The following PRH1 variants were observed in gnomAD, a reference collection of about 807,000 sequenced individuals.
The protein encoded by PRH1 is salivary acidic proline-rich phosphoprotein 1/2.
Under a neutral mutation model 7.9 loss-of-function variants are expected in PRH1, and 7 were observed. The ratio of observed to expected loss-of-function variants is 0.89; its 90% CI spans 0.50 to 1.67. The LOEUF (loss-of-function observed/expected upper bound fraction) is 1.67. Among genes scored for constraint, PRH1 ranks in the 40% most tolerant of loss-of-function variants. The probability of loss-of-function intolerance (pLI) is 0.00; values close to 1 mark genes in which losing one functional copy is unlikely to be tolerated. For missense variants in PRH1, 109 were observed against 223.6 expected (o/e 0.49, Z 3.27); for synonymous variants, 45 against 80.8 (o/e 0.56, Z 2.38).
chr12:11,110,013 T>C (rs1016921638), intron 1 of PRH1, among the ~76,000 whole-genome samples: 12 of 152,140 alleles, frequency 7.9e-5, no homozygotes, highest in Middle Eastern at 3.4e-3. Flanking sequence ...ATGAGAACTT[T>C]GTGAAGCATA....
In PRH1 at chr12:11,088,789, A is replaced by T. The variant is rs1361407531; in HGVS notation, n.124-41601T>A. Among the ~76,000 whole-genome samples, 25 of 116,142 alleles carry T rather than the reference A, an allele frequency of 2.2e-4. 9 individuals are homozygous for T. The highest frequency in any genetic ancestry group is 2.0e-4 in the Non-Finnish European group (10 of 48,910). The allele number at this position is 116,142 out of a possible 152,430, so 76.2% of individuals were successfully genotyped here. ...CTCTGGCCACTGTGCCAGATGATCC[A>T]GCAGGATTCAAAGATGCTAGAAACA... On this transcript the variant is annotated intron_variant and non_coding_transcript_variant, in intron 1 of 4. Coordinates refer to the PRH1 transcript ENST00000541977.
intron 1 of PRH1, among the ~76,000 whole-genome samples, chr12:11,031,868 A>G (rs1459465676): frequency 6.6e-6 from 1 of 152,170 alleles, no homozygotes; most frequent in Non-Finnish European, 1.5e-5. Flanking sequence ...TCATCTCTCA[A>G]TGTAATATAA....
At chr12:11,031,257 T>C in intron 1 of PRH1, 1 of 1,614,080 alleles carries the variant, frequency 6.2e-7, no homozygotes. Context: ...ACCAATGCTA[T>C]GAAGCCATTA....
chr12:11,049,409 A>T (rs964965654), upstream of PRH1, among the ~76,000 whole-genome samples: 2 of 152,296 alleles, frequency 1.3e-5, no homozygotes, highest in Non-Finnish European at 2.9e-5. Context: ...TCAACAGGAA[A>T]GCACCATCAT....
In PRH1 at chr12:10,977,112, A is replaced by C. The variant is rs150063931; in HGVS notation, c.-125-3391T>G. Among the ~76,000 whole-genome samples, 42 of 152,304 alleles carry C rather than the reference A, an allele frequency of 2.8e-4. No homozygotes were observed. In the East Asian group the frequency reaches 4.2e-3, roughly 15 times the overall value. On this transcript the variant is annotated intron_variant, in intron 1 of 3. Coordinates refer to the PRH1 transcript ENST00000539853. ...CCTAAACTTTTCAGAGACACAACAA[A>C]AAATAGAAAACTTCAGACCAATATC...
chr12:11,132,368 T>G (rs1405014998), intron 1 of PRH1, among the ~76,000 whole-genome samples: 1 of 152,118 alleles, frequency 6.6e-6, no homozygotes, highest in African/African-American at 2.4e-5. Flanking sequence ...AGACTGGAGT[T>G]CTCTTATCTG....
At chr12:10,940,041 T>A (rs1343090698) in intron 2 of PRH1, among the ~76,000 whole-genome samples, 1 of 151,990 alleles carries the variant, frequency 6.6e-6, no homozygotes, top group African/African-American at 2.4e-5. Context: ...AATCAGATGG[T>A]TTTTTAAAGT....
intron 1 of PRH1, chr12:11,091,833 A>C: frequency 7.4e-7 from 1 of 1,343,386 alleles, no homozygotes; most frequent in Non-Finnish European, 1.0e-6. Context: ...GGCCCCAACA[A>C]CATCACCAGA....
intron 2 of PRH1, among the ~76,000 whole-genome samples, chr12:10,948,377 T>C (rs1394703023): frequency 2.0e-5 from 3 of 152,230 alleles, no homozygotes; most frequent in Non-Finnish European, 1.5e-5. Flanking sequence ...AGAAAACCAG[T>C]CTTCAAGTTC....
At chr12:11,102,678 C>T (rs1945291528) in intron 1 of PRH1, among the ~76,000 whole-genome samples, 1 of 152,128 alleles carries the variant, frequency 6.6e-6, no homozygotes, top group African/African-American at 2.4e-5. Flanking sequence ...CAACAAAAGC[C>T]AAAATTGACA....
chr12:11,129,488 A>G (rs1040556477), intron 1 of PRH1, among the ~76,000 whole-genome samples: 3 of 152,410 alleles, frequency 2.0e-5, no homozygotes, highest in East Asian at 1.9e-4. Context: ...GGTCACTGTC[A>G]TGACAAAACA....
intron 2 of PRH1, among the ~76,000 whole-genome samples, chr12:10,903,004 T>G (rs1393738748): frequency 6.6e-6 from 1 of 152,072 alleles, no homozygotes; most frequent in Non-Finnish European, 1.5e-5. Context: ...AAACCTCACA[T>G]AGCAATATTA....
In PRH1 at chr12:11,086,871, G is replaced by T. The variant is rs1459640550; in HGVS notation, n.124-39683C>A. ...GGGGGTTGTAGTTAGTTGAGATCATGCCACTCCACTCCAGTGGGGAGACCG... is the reference window on the plus strand; with the variant it reads ...GGGGGTTGTAGTTAGTTGAGATCATTCCACTCCACTCCAGTGGGGAGACCG... On this transcript the variant is annotated intron_variant and non_coding_transcript_variant, in intron 1 of 4. Coordinates refer to the PRH1 transcript ENST00000541977. 3.6e-5 allele frequency among the ~76,000 whole-genome samples: 4 copies of T among 110,556 alleles called. 2 individuals carry two copies. The highest frequency in any genetic ancestry group is 8.5e-5 in the Non-Finnish European group (4 of 47,194). The allele number at this position is 110,556 out of a possible 152,430, so 72.5% of individuals were successfully genotyped here. A position where few individuals can be genotyped will look rare whatever the true frequency, so the allele number is the denominator to read the frequency against.
intron 1 of PRH1, among the ~76,000 whole-genome samples, chr12:11,011,234 A>T (rs532594787): frequency 6.6e-6 from 1 of 152,142 alleles, no homozygotes; most frequent in African/African-American, 2.4e-5. Flanking sequence ...TAAGGTCCTG[A>T]CCTTAAATTC....
chr12:11,077,684 G>T, intron 1 of PRH1: 2 of 1,229,786 alleles, frequency 1.6e-6, no homozygotes, highest in Non-Finnish European at 2.4e-6. Flanking sequence ...AGAATGAAGG[G>T]TATGAGGTTT....
chr12:11,010,314 T>C (rs1481623613), intron 1 of PRH1, among the ~76,000 whole-genome samples: 3 of 151,952 alleles, frequency 2.0e-5, no homozygotes, highest in Admixed American at 6.6e-5. Context: ...GATGATGATG[T>C]TGATGTCAGC....
At chr12:10,897,617 T>C (rs766650544) in intron 2 of PRH1, among the ~76,000 whole-genome samples, 13 of 152,212 alleles carry the variant, frequency 8.5e-5, no homozygotes, top group South Asian at 8.3e-4. Flanking sequence ...CGGCATCTGT[T>C]TCTGGGGAGG....
chr12:11,151,911 T>C (rs1947102817), intron 1 of PRH1, among the ~76,000 whole-genome samples: 1 of 150,420 alleles, frequency 6.6e-6, no homozygotes, highest in Non-Finnish European at 1.5e-5. Context: ...TTCACATTTC[T>C]GGAATCAGCA....
intron 1 of PRH1, among the ~76,000 whole-genome samples, chr12:11,062,687 T>A (rs1357063621): frequency 1.3e-5 from 2 of 152,112 alleles, no homozygotes; most frequent in African/African-American, 4.8e-5. Flanking sequence ...TCATTTGTCT[T>A]TAGTGACTTC....
Sources: gnomAD v4.1 joint callset for allele counts (sites outside exome capture counted in the v4.1 genomes callset) on GRCh38, gnomAD v4.1.1 for gene constraint, MANE v1.5 for transcripts, NCBI Gene and HGNC (gene_info 2026-07-23, HGNC 2026-07-21) for gene names.